The following AKR1C3 variants were observed in gnomAD, a reference collection of about 807,000 sequenced individuals.
AKR1C3 encodes the protein aldo-keto reductase family 1 member C3.
In AKR1C3, 48 loss-of-function variants were observed where a neutral mutation model predicts 43.6. That is an observed-to-expected ratio of 1.10 (90% CI 0.87 to 1.40). The LOEUF is 1.40. Among genes scored for constraint, AKR1C3 ranks in the 40% most tolerant of loss-of-function variants. The probability of loss-of-function intolerance (pLI) is 0.00; values close to 1 mark genes in which losing one functional copy is unlikely to be tolerated. For synonymous variants in AKR1C3, 162 were observed against 139.6 expected, an observed-to-expected ratio of 1.16 and a Z score of -1.13; for missense variants, 482 against 391.2, an observed-to-expected ratio of 1.23 and a Z score of -1.96.
At chr10:5,067,756 T>A (rs1344439007) in intron 1 of AKR1C3, among the ~76,000 whole-genome samples, 1 of 152,194 alleles carries the variant, frequency 6.6e-6, no homozygotes, top group Admixed American at 6.5e-5. Flanking sequence ...ATGTTAGTAA[T>A]TTGTAAGTTT....
At chr10:5,107,221 T>C (rs11252951) in intron 8 of AKR1C3, among the ~76,000 whole-genome samples, 40,115 of 152,014 alleles carry the variant, frequency 0.26, 5,564 homozygotes, top group Middle Eastern at 0.37. Flanking sequence ...AGGAATATAC[T>C]TGAATATTTG....
intron 7 of AKR1C3, chr10:5,105,188 G>GAGAT (rs1357146021): frequency 6.4e-6 from 1 of 156,588 alleles, no homozygotes; most frequent in African/African-American, 2.4e-5. Flanking sequence ...GTTTATTAAA[G>GAGAT]AGATATAGAA....
At chr10:5,052,920 G>T (rs1317412967) in intron 1 of AKR1C3, among the ~76,000 whole-genome samples, 1 of 151,892 alleles carries the variant, frequency 6.6e-6, no homozygotes, top group Non-Finnish European at 1.5e-5. Flanking sequence ...TAGACATAAA[G>T]GTTCTCCAAG....
rs1032130871 is a variant in AKR1C3 at position 5,098,870 on chromosome 10, C to T, written c.438C>T (p.Thr146=). Residue 146 remains threonine (T), a synonymous_variant, in exon 4 of 9, where the codon ACC becomes ACT. Transcript: ENST00000380554. Reference sequence around the variant, plus strand: ...TATTTGACATAGTGGATCTCTGTACCACCTGGGAGGTGAGTGCTTGGCGGA... The same window carrying T: ...TATTTGACATAGTGGATCTCTGTACTACCTGGGAGGTGAGTGCTTGGCGGA... ...KVIFDIVDLC[T]TWEAMEKCKD... is the part of the protein sequence containing the mutation. 3 of 1,612,700 alleles carry T rather than the reference C, an allele frequency of 1.9e-6. No individual in the cohort carries two copies. Among genetic ancestry groups the T allele is most frequent in the Admixed American group, 1.7e-5 (1 of 59,904 alleles).
intron 1 of AKR1C3, among the ~76,000 whole-genome samples, chr10:5,074,280 T>C (rs1838666764): frequency 6.6e-6 from 1 of 152,192 alleles, no homozygotes. Flanking sequence ...TTGTCCTCAA[T>C]ATTGGCAAAA....
chr10:5,091,541 T>C (rs1554784171), upstream of AKR1C3, among the ~76,000 whole-genome samples: 1 of 152,180 alleles, frequency 6.6e-6, no homozygotes, highest in African/African-American at 2.4e-5. Context: ...TTGTGTATGA[T>C]TTTTAATAAT....
intron 1 of AKR1C3, among the ~76,000 whole-genome samples, chr10:5,061,909 CA>C (rs1189549935): frequency 1.7e-4 from 26 of 152,192 alleles, no homozygotes; most frequent in East Asian, 9.6e-4. Flanking sequence ...AAATTAAGGC[CA>C]AAATGGTGAA....
chr10:5,054,662 TCTGA>T (rs1554779350), intron 1 of AKR1C3, among the ~76,000 whole-genome samples: 1 of 152,218 alleles, frequency 6.6e-6, no homozygotes, highest in African/African-American at 2.4e-5. Context: ...TCTTTCTGAC[TCTGA>T]CTTTCTGTGT....
chr10:5,063,171 A>G (rs1165273625), intron 1 of AKR1C3, among the ~76,000 whole-genome samples: 4 of 152,224 alleles, frequency 2.6e-5, no homozygotes, highest in Non-Finnish European at 5.9e-5. Flanking sequence ...ATATGAATTT[A>G]TACAAATAAG....
intron 1 of AKR1C3, among the ~76,000 whole-genome samples, chr10:5,084,152 C>T (rs1429520521): frequency 2.6e-5 from 4 of 152,172 alleles, no homozygotes; most frequent in Non-Finnish European, 5.9e-5. Context: ...AGTCCTTGCC[C>T]AAGCCTATGT....
Position 5,053,206 on chromosome 10 carries a change from G to A in AKR1C3, c.84+4311G>A, listed in dbSNP as rs952706204. On this transcript the variant is annotated intron_variant, in intron 1 of 8. Coordinates refer to the AKR1C3 transcript ENST00000439082. ...TGCCGTGGAGCAGGGGGCAGCGCTC[G>A]TCAGGGAGGCTCCAGCCACACAGGA... Among the ~76,000 whole-genome samples, 6 of 152,338 alleles carry A rather than the reference G, an allele frequency of 3.9e-5. No individual in the cohort carries two copies. The East Asian group carries it at 5.8e-4, about 15-fold the overall frequency.
chr10:5,099,335 G>A lies in AKR1C3; in HGVS notation c.456G>A (p.Glu152=). 1 of 1,614,170 alleles carries A rather than the reference G, an allele frequency of 6.2e-7. No homozygotes were observed. The highest frequency in any genetic ancestry group is 8.5e-7 in the Non-Finnish European group (1 of 1,180,042). The change falls in exon 5 of 9, where the codon GAG becomes GAA. Residue 152 remains glutamate (E), a synonymous_variant. Coordinates refer to ENST00000380554, the MANE Select transcript of AKR1C3 (RefSeq NM_003739.6). ...VDLCTTWEAM[E]KCKDAGLAKS... ...AACCCCTTTCTCCACAGGCCATGGA[G>A]AAGTGTAAGGATGCAGGATTGGCCA...
rs1839536376 is a variant in AKR1C3, at chr10:5,107,486, T to A, written c.955T>A (p.Tyr319Asn). The change falls in exon 9 of 9, where the codon TAT becomes AAT. Residue 319 changes from tyrosine to asparagine, a missense_variant. By Grantham distance (143) the Tyr-to-Asn change is moderately radical (BLOSUM62 -2). Transcript: ENST00000380554. ...DSFASHPNYP[Y>N]SDEY The stretch of plus-strand genomic sequence containing the variant: ...TTTTGCTAGCCACCCTAATTATCCA[T>A]ATTCAGATGAATATTAACATGGAGG... 3.8e-6 allele frequency: 6 copies of A among 1,586,600 alleles called. No homozygotes were observed. Among genetic ancestry groups the A allele is most frequent in the Non-Finnish European group, 5.2e-6 (6 of 1,155,536 alleles).
At chr10:5,094,404 A>C (rs782729431), upstream of AKR1C3, 2 of 1,609,288 alleles carry the variant, frequency 1.2e-6, no homozygotes, top group Non-Finnish European at 1.7e-6. Flanking sequence ...CTCTGAGGAG[A>C]AGCAGCAGCA....
chr10:5,095,527 G>A (rs1240956112), intron 1 of AKR1C3, among the ~76,000 whole-genome samples: 4 of 150,650 alleles, frequency 2.7e-5, no homozygotes, highest in East Asian at 1.9e-4. Flanking sequence ...CGGGGAGACC[G>A]TTATCTAGTT....
At chr10:5,058,652 C>T (rs1429423969) in intron 1 of AKR1C3, among the ~76,000 whole-genome samples, 1 of 152,184 alleles carries the variant, frequency 6.6e-6, no homozygotes, top group Non-Finnish European at 1.5e-5. Flanking sequence ...AACCCCTGCC[C>T]AAGAACCTGC....
chr10:5,055,435 C>A (rs1554779452), intron 1 of AKR1C3, among the ~76,000 whole-genome samples: 1 of 152,226 alleles, frequency 6.6e-6, no homozygotes, highest in East Asian at 1.9e-4. Context: ...GTCTGACAGC[C>A]ATAAACTTCC....
chr10:5,075,515 A>ACT (rs1221012910), intron 1 of AKR1C3, among the ~76,000 whole-genome samples: 1 of 152,026 alleles, frequency 6.6e-6, no homozygotes, highest in East Asian at 1.9e-4. Flanking sequence ...GGATTGATCT[A>ACT]CTGGTAGACA....
chr10:5,077,878 T>C (rs1196309861), intron 1 of AKR1C3: 1 of 594,778 alleles, frequency 1.7e-6, no homozygotes, highest in African/African-American at 1.9e-5. Context: ...AGAACTAAGA[T>C]CAGAATTCTT....
Sources: gnomAD v4.1 joint callset for allele counts (sites outside exome capture counted in the v4.1 genomes callset) on GRCh38, gnomAD v4.1.1 for gene constraint, MANE v1.5 for transcripts, NCBI Gene and HGNC (gene_info 2026-07-23, HGNC 2026-07-21) for gene names.